Variants in CUBN observed in about 807,000 individuals in gnomAD.
The protein encoded by CUBN is 460 kDa receptor.
CUBN carries 282 observed loss-of-function variants against 405.3 expected under a neutral mutation model. The observed-to-expected ratio is 0.70, with a 90% CI of 0.63 to 0.77. The LOEUF (loss-of-function observed/expected upper bound fraction) is 0.77, where lower values mean the gene tolerates loss of function less well. Ranked by LOEUF, CUBN falls within the 30% of genes least tolerant of loss-of-function variation. CUBN has a pLI of 0.00. For synonymous variants in CUBN, 1,684 were observed against 1,617.0 expected (o/e 1.04, Z -0.99); for missense variants, 4,514 against 4,475.2 (o/e 1.01, Z -0.25).
chr10:16,870,161 A>C (rs925253722), intron 58 of CUBN, among the ~76,000 whole-genome samples: 4 of 152,204 alleles, frequency 2.6e-5, no homozygotes, highest in Non-Finnish European at 5.9e-5. Context: ...TCTGAGAACA[A>C]CTTTTGACAA....
Position 16,945,324 on chromosome 10 carries a change from A to T in CUBN, c.5342+1911T>A, listed in dbSNP as rs891910772. Among the ~76,000 whole-genome samples, 5 of 152,364 alleles carry T rather than the reference A, an allele frequency of 3.3e-5. No individual in the cohort carries two copies. The East Asian group carries it at 5.8e-4, about 18-fold the overall frequency. ...TTGATCAATATATAGAAGGCACCTC[A>T]TAGGAGAGTAGCATGTGCCAACTAC... On this transcript the variant is annotated intron_variant, in intron 36 of 66. Transcript: ENST00000377833.
At chr10:16,935,879 CAA>C (rs369098280) in intron 39 of CUBN, among the ~76,000 whole-genome samples, 1 of 71,408 alleles carries the variant, frequency 1.4e-5, no homozygotes, top group Non-Finnish European at 2.6e-5. Context: ...GACTCCATCT[CAA>C]AAAAAAAAAA....
intron 37 of CUBN, among the ~76,000 whole-genome samples, 194 bp from the exon 38 acceptor site, chr10:16,939,341 C>T (rs1375983858): frequency 1.3e-5 from 2 of 152,100 alleles, no homozygotes; most frequent in African/African-American, 4.8e-5. Flanking sequence ...GTCCTTAAAA[C>T]GTTGCATGGT....
intron 25 of CUBN, 44 bp from the exon 26 acceptor site, chr10:17,044,027 C>G: frequency 6.5e-7 from 1 of 1,535,262 alleles, no homozygotes. Flanking sequence ...AGACTATAAA[C>G]ATTATGTAAA....
chr10:16,835,651 TC>T (rs1208080988), intron 63 of CUBN, among the ~76,000 whole-genome samples: 1 of 151,828 alleles, frequency 6.6e-6, no homozygotes, highest in Non-Finnish European at 1.5e-5. Flanking sequence ...AAAAGTACTT[TC>T]GTTTGTTTTA....
chr10:16,872,357 T>TATATATATAGATAG (rs980619583), intron 58 of CUBN, among the ~76,000 whole-genome samples: 13 of 151,376 alleles, frequency 8.6e-5, no homozygotes, highest in African/African-American at 2.7e-4. Flanking sequence ...TACATATATA[T>TATATATATAGATAG]ATAGATAGAT....
chr10:16,904,402 CAG>C (rs761809965), intron 50 of CUBN, among the ~76,000 whole-genome samples: 6 of 152,168 alleles, frequency 3.9e-5, no homozygotes, highest in Non-Finnish European at 8.8e-5. Context: ...CATATCTAAA[CAG>C]AGATACAATG....
In CUBN at chr10:16,939,933, G is replaced by C. The variant is rs1842608351; in HGVS notation, c.5548+99C>G. The stretch of plus-strand genomic sequence containing the variant: ...AGACAATGTAGGAAAATAGTGTAGA[G>C]TTTAGGATTGTTCTTGCTTAATATA... On this transcript the variant is annotated intron_variant, in intron 37 of 66. Transcript: ENST00000377833. 19 of 1,043,386 alleles carry C rather than the reference G, an allele frequency of 1.8e-5. No individual in the cohort carries two copies. The South Asian group carries it at 2.4e-4, about 13-fold the overall frequency. 64.6% of individuals were successfully genotyped at this position (1,043,386 alleles called of 1,614,324 possible).
intron 40 of CUBN, among the ~76,000 whole-genome samples, chr10:16,930,545 C>G (rs1842333230): frequency 1.3e-5 from 2 of 152,192 alleles, no homozygotes; most frequent in South Asian, 4.1e-4. Flanking sequence ...TAAAGGATTA[C>G]TGATTTTTTT....
chr10:16,907,430 T>C (rs1383894909), intron 49 of CUBN, 78 bp downstream of exon 49: 1 of 1,425,838 alleles, frequency 7.0e-7, no homozygotes, highest in Non-Finnish European at 9.9e-7. Context: ...TGGATGGCTC[T>C]GCTGCCATTG....
At chr10:16,947,694 AC>A (rs1383841272) in intron 35 of CUBN, among the ~76,000 whole-genome samples, 1 of 152,202 alleles carries the variant, frequency 6.6e-6, no homozygotes, top group Non-Finnish European at 1.5e-5. Flanking sequence ...ATTCTATTCA[AC>A]CCTGGCCTAG....
intron 60 of CUBN, among the ~76,000 whole-genome samples, chr10:16,847,405 T>C (rs145051305): frequency 9.2e-5 from 14 of 151,892 alleles, no homozygotes; most frequent in African/African-American, 3.4e-4. Flanking sequence ...TGAGCCGAGA[T>C]AGCACCACTG....
intron 59 of CUBN, among the ~76,000 whole-genome samples, chr10:16,860,146 A>C (rs1839973673): frequency 6.6e-6 from 1 of 152,148 alleles, no homozygotes; most frequent in Non-Finnish European, 1.5e-5. Context: ...AAGAAGTGGG[A>C]CAAACAAAAC....
chr10:17,120,270 C>T (rs528259493), intron 6 of CUBN, among the ~76,000 whole-genome samples: 3 of 152,338 alleles, frequency 2.0e-5, no homozygotes, highest in Non-Finnish European at 2.9e-5. Context: ...TAATCTTATG[C>T]TCATGCACCT....
At chr10:17,054,331 CAAA>C (rs60899709) in intron 22 of CUBN, among the ~76,000 whole-genome samples, 1 of 131,272 alleles carries the variant, frequency 7.6e-6, no homozygotes, top group Non-Finnish European at 1.6e-5. Flanking sequence ...AACTCCGTCT[CAAA>C]AAAAAAAAAA....
intron 27 of CUBN, among the ~76,000 whole-genome samples, chr10:17,040,532 G>A (rs1834995838): frequency 6.6e-6 from 1 of 152,042 alleles, no homozygotes; most frequent in African/African-American, 2.4e-5. Flanking sequence ...ATTGCATACA[G>A]ACAGTTGAAT....
At chr10:17,025,254 T>C (rs889132897) in intron 27 of CUBN, among the ~76,000 whole-genome samples, 2 of 152,162 alleles carry the variant, frequency 1.3e-5, no homozygotes, top group African/African-American at 4.8e-5. Flanking sequence ...ACTCAATCAG[T>C]TTATAGAGTG....
At chr10:16,871,935 C>A (rs2131370788) in intron 58 of CUBN, among the ~76,000 whole-genome samples, 1 of 152,168 alleles carries the variant, frequency 6.6e-6, no homozygotes, top group East Asian at 1.9e-4. Flanking sequence ...TCTAAACCTG[C>A]AGATGTAGGC....
At chr10:16,890,136 C>A (rs1395099901) in intron 55 of CUBN, among the ~76,000 whole-genome samples, 1 of 152,066 alleles carries the variant, frequency 6.6e-6, no homozygotes, top group Non-Finnish European at 1.5e-5. Flanking sequence ...ACTCTGGATG[C>A]CAGGCTTATT....
Sources: gnomAD v4.1 joint callset for allele counts (sites outside exome capture counted in the v4.1 genomes callset) on GRCh38, gnomAD v4.1.1 for gene constraint, MANE v1.5 for transcripts, NCBI Gene and HGNC (gene_info 2026-07-23, HGNC 2026-07-21) for gene names.